UNC13C: variants seen among roughly 807,000 people sequenced by gnomAD.
The protein encoded by UNC13C is unc-13 homolog C.
In UNC13C, 174 loss-of-function variants were observed where a neutral mutation model predicts 245.4. The ratio of observed to expected loss-of-function variants is 0.71; its 90% confidence interval spans 0.63 to 0.80. The LOEUF is 0.80. UNC13C is among the 30% of genes least tolerant of loss of function. The pLI is 0.00. For missense variants in UNC13C, 2,829 were observed against 2,602.9 expected (o/e 1.09, Z -1.89); for synonymous variants, 992 against 895.1 (o/e 1.11, Z -1.93).
At chr15:53,863,017 T>C in the UNC13C span, among the ~76,000 whole-genome samples, 3 of 152,084 alleles carry the variant, frequency 2.0e-5, no homozygotes, top group African/African-American at 7.2e-5. Flanking sequence ...CTAAATCAGA[T>C]ATAGGGGAGA....
chr15:54,330,417 T>C (rs2038408779), intron 14 of UNC13C, among the ~76,000 whole-genome samples: 1 of 151,934 alleles, frequency 6.6e-6, no homozygotes, highest in African/African-American at 2.4e-5. Flanking sequence ...TGATATTCTT[T>C]TAGTAAGGAA....
At chr15:54,004,205 C>G (rs1387023665) in intron 1 of UNC13C, among the ~76,000 whole-genome samples, 1 of 152,156 alleles carries the variant, frequency 6.6e-6, no homozygotes, top group Non-Finnish European at 1.5e-5. Context: ...TACTTTCTAT[C>G]TCCATGAGTT....
At chr15:53,952,459 C>G in the UNC13C span, among the ~76,000 whole-genome samples, 1 of 152,136 alleles carries the variant, frequency 6.6e-6, no homozygotes, top group Non-Finnish European at 1.5e-5. Flanking sequence ...CACCTTCTAA[C>G]CTATCAATTA....
chr15:53,982,755 A>T (rs1687701621), intron 1 of UNC13C, among the ~76,000 whole-genome samples: 1 of 152,154 alleles, frequency 6.6e-6, no homozygotes, highest in African/African-American at 2.4e-5. Context: ...AACTTTGGCC[A>T]TCATTTTCTT....
the UNC13C span, among the ~76,000 whole-genome samples, chr15:53,846,965 A>G: frequency 1.3e-5 from 2 of 152,072 alleles, no homozygotes; most frequent in Admixed American, 6.6e-5. Flanking sequence ...GTAGGGCCCA[A>G]CTGCAGAGGT....
At chr15:53,935,740 C>T in the UNC13C span, among the ~76,000 whole-genome samples, 1 of 152,160 alleles carries the variant, frequency 6.6e-6, no homozygotes, top group Non-Finnish European at 1.5e-5. Context: ...CACCCTCAGC[C>T]AAGATAGGTG....
At chr15:54,181,547 G>C (rs1000929365) in intron 4 of UNC13C, among the ~76,000 whole-genome samples, 3 of 151,696 alleles carry the variant, frequency 2.0e-5, no homozygotes, top group African/African-American at 7.3e-5. Context: ...TTGGTTCCAT[G>C]TGAATTTTAG....
intron 4 of UNC13C, among the ~76,000 whole-genome samples, chr15:54,188,048 C>T (rs993357970): frequency 7.2e-5 from 11 of 152,070 alleles, no homozygotes; most frequent in African/African-American, 2.4e-4. Flanking sequence ...GAACTCCTAA[C>T]CTCAAGTGAA....
intron 2 of UNC13C, among the ~76,000 whole-genome samples, chr15:54,023,350 T>C (rs1007050442): frequency 1.3e-5 from 2 of 152,224 alleles, no homozygotes; most frequent in African/African-American, 4.8e-5. Context: ...ATGGCTTATG[T>C]TTTTAAGCAT....
intron 2 of UNC13C, among the ~76,000 whole-genome samples, chr15:54,048,048 G>A (rs182648365): frequency 1.2e-4 from 18 of 152,186 alleles, no homozygotes; most frequent in Admixed American, 4.6e-4. Flanking sequence ...GTACTTTTAC[G>A]TTAAATACAC....
intron 29 of UNC13C, among the ~76,000 whole-genome samples, chr15:54,561,602 G>A (rs1022935421): frequency 1.3e-5 from 2 of 152,016 alleles, no homozygotes; most frequent in Non-Finnish European, 2.9e-5. Context: ...ACTTAACTAG[G>A]TGTTTGCATA....
intron 2 of UNC13C, among the ~76,000 whole-genome samples, chr15:54,021,811 T>C (rs996882570): frequency 6.6e-6 from 1 of 152,228 alleles, no homozygotes; most frequent in East Asian, 1.9e-4. Context: ...ACTGTACCTT[T>C]TCTATCTTTG....
At chr15:53,841,442 G>A in the UNC13C span, among the ~76,000 whole-genome samples, 1 of 151,862 alleles carries the variant, frequency 6.6e-6, no homozygotes, top group Non-Finnish European at 1.5e-5. Context: ...ATCTTATTCT[G>A]CACTTTTACT....
In UNC13C at chr15:54,236,443, C is replaced by T. The variant is rs750493980; in HGVS notation, c.3156+8C>T. ...TGGAATCTTCAGGCCATGGTAAGTG[C>T]TTTGCTATTTATTTAATTAATATTT... On this transcript the variant is annotated splice_region_variant and intron_variant, in intron 6 of 32. Transcript: ENST00000260323. The T allele has an allele frequency of 1.3e-6, 2 of 1,589,604 alleles. No homozygotes were observed. The highest frequency in any genetic ancestry group is 1.7e-6 in the Non-Finnish European group (2 of 1,173,672).
chr15:54,507,018 T>A (rs981719897), intron 22 of UNC13C, 99 bp from the exon 23 acceptor site: 15 of 706,370 alleles, frequency 2.1e-5, no homozygotes, highest in Non-Finnish European at 3.3e-5. Flanking sequence ...AGAACTAAGA[T>A]GAAAAAGACA....
intron 30 of UNC13C, among the ~76,000 whole-genome samples, chr15:54,574,244 C>T (rs1048689160): frequency 5.3e-5 from 8 of 151,992 alleles, no homozygotes; most frequent in Non-Finnish European, 7.4e-5. Flanking sequence ...GTTGGAATTA[C>T]GACATGTTAT....
chr15:54,545,506 C>A (rs572835796), intron 26 of UNC13C, among the ~76,000 whole-genome samples: 1 of 152,244 alleles, frequency 6.6e-6, no homozygotes, highest in East Asian at 1.9e-4. Flanking sequence ...TCAGAGTGAA[C>A]AGGCAATCTA....
At chr15:54,428,189 G>C (rs2040797205) in intron 19 of UNC13C, among the ~76,000 whole-genome samples, 2 of 151,692 alleles carry the variant, frequency 1.3e-5, no homozygotes, top group South Asian at 4.1e-4. Context: ...TCTTTCTACT[G>C]TTTCTTTGTT....
At chr15:54,017,792 G>T (rs955262501) in intron 2 of UNC13C, among the ~76,000 whole-genome samples, 3 of 152,080 alleles carry the variant, frequency 2.0e-5, no homozygotes, top group African/African-American at 7.2e-5. Flanking sequence ...TAGCCACCTG[G>T]TTAAGAATAA....
Sources: gnomAD v4.1 joint callset for allele counts (sites outside exome capture counted in the v4.1 genomes callset) on GRCh38, gnomAD v4.1.1 for gene constraint, MANE v1.5 for transcripts, NCBI Gene and HGNC (gene_info 2026-07-23, HGNC 2026-07-21) for gene names.